SKAP1: variants seen among roughly 807,000 people sequenced by gnomAD.
SKAP1 encodes the protein src kinase associated phosphoprotein 1.
In SKAP1, 44 loss-of-function variants were observed where a neutral mutation model predicts 58.5. That is an observed-to-expected ratio of 0.75 (90% CI 0.59 to 0.97). The LOEUF is 0.97. Ranked by LOEUF, SKAP1 falls within the 50% of genes least tolerant of loss-of-function variation. SKAP1 has a pLI of 0.00. For synonymous variants in SKAP1, 127 were observed against 149.7 expected (o/e 0.85, Z 1.11); for missense variants, 390 against 435.2 (o/e 0.90, Z 0.92).
At chr17:48,143,263 C>T (rs1235292142) in intron 11 of SKAP1, among the ~76,000 whole-genome samples, 5 of 145,044 alleles carry the variant, frequency 3.4e-5, no homozygotes, top group African/African-American at 7.8e-5. Flanking sequence ...GGCATGATCT[C>T]GGCTCACTGC....
At chr17:48,338,082 T>G (rs756059880) in intron 4 of SKAP1, among the ~76,000 whole-genome samples, 2 of 151,662 alleles carry the variant, frequency 1.3e-5, no homozygotes, top group Non-Finnish European at 2.9e-5. Flanking sequence ...CTTTCTTTTC[T>G]TCCTTCCTTT....
upstream of SKAP1, among the ~76,000 whole-genome samples, chr17:48,432,949 A>G (rs1358825179): frequency 6.6e-6 from 1 of 152,214 alleles, no homozygotes; most frequent in Non-Finnish European, 1.5e-5. Context: ...CCTTACAAGA[A>G]TCTCTGGGTT....
At chr17:48,150,506 A>T (rs1347995090) in intron 11 of SKAP1, among the ~76,000 whole-genome samples, 2 of 152,220 alleles carry the variant, frequency 1.3e-5, no homozygotes, top group Non-Finnish European at 2.9e-5. Flanking sequence ...GTGTTTATAG[A>T]TGCTCTGTTT....
At chr17:48,255,010 C>T (rs369335654) in intron 4 of SKAP1, among the ~76,000 whole-genome samples, 5 of 151,990 alleles carry the variant, frequency 3.3e-5, no homozygotes, top group African/African-American at 1.2e-4. Context: ...CTTCTCTACA[C>T]ATTGAAATGA....
At chr17:48,351,558 C>T (rs768111748) in intron 3 of SKAP1, among the ~76,000 whole-genome samples, 89 of 152,160 alleles carry the variant, frequency 5.8e-4, no homozygotes, top group Admixed American at 7.2e-4. Context: ...AATGATAGGT[C>T]AGGTAAAGAA....
At chr17:48,352,156 C>G (rs1353619135) in intron 3 of SKAP1, among the ~76,000 whole-genome samples, 1 of 151,300 alleles carries the variant, frequency 6.6e-6, no homozygotes, top group Non-Finnish European at 1.5e-5. Context: ...TTTAACCCTT[C>G]TTAGGTTTCA....
chr17:48,325,892 C>T (rs180846399), intron 4 of SKAP1, among the ~76,000 whole-genome samples: 1 of 152,274 alleles, frequency 6.6e-6, no homozygotes, highest in East Asian at 1.9e-4. Context: ...GAATCCATGA[C>T]AAAAGTGCTC....
rs749887253 is a variant in SKAP1 at position 48,430,153 on chromosome 17, C to G, written c.-33G>C. 9.1e-6 allele frequency: 11 copies of G among 1,213,998 alleles called. No individual in the cohort carries two copies. In the East Asian group the frequency reaches 3.4e-4, roughly 38 times the overall value. The allele number at this position is 1,213,998 out of a possible 1,614,324, so 75.2% of individuals were successfully genotyped here. A position where few individuals can be genotyped will look rare whatever the true frequency, so the allele number is the denominator to read the frequency against. On this transcript the variant is annotated 5_prime_UTR_variant, in exon 1 of 13. Coordinates refer to ENST00000336915, the MANE Select transcript of SKAP1 (RefSeq NM_003726.4). Reference sequence around the variant, plus strand: ...GGCGGGAGAGAGGCGGGACGGGGCGCGGGCCCTGGTCGGGAGGCGGACGGG... The same window carrying G: ...GGCGGGAGAGAGGCGGGACGGGGCGGGGGCCCTGGTCGGGAGGCGGACGGG...
chr17:48,329,865 T>C (rs1295534195), intron 4 of SKAP1, among the ~76,000 whole-genome samples: 2 of 152,192 alleles, frequency 1.3e-5, no homozygotes, highest in African/African-American at 2.4e-5. Flanking sequence ...TTAATTTTTC[T>C]GATACTCGAA....
intron 8 of SKAP1, among the ~76,000 whole-genome samples, chr17:48,180,471 C>T (rs1045704235): frequency 6.6e-6 from 1 of 152,156 alleles, no homozygotes; most frequent in Non-Finnish European, 1.5e-5. Context: ...AACATAAATC[C>T]TTCCTTGCAA....
chr17:48,142,609 G>A (rs568522712), intron 11 of SKAP1, among the ~76,000 whole-genome samples: 1 of 152,324 alleles, frequency 6.6e-6, no homozygotes, highest in African/African-American at 2.4e-5. Context: ...GATTGAACTA[G>A]TTGTGGCAGA....
intron 3 of SKAP1, among the ~76,000 whole-genome samples, chr17:48,359,494 AC>A (rs1302535904): frequency 1.3e-5 from 2 of 152,256 alleles, no homozygotes; most frequent in Non-Finnish European, 2.9e-5. Context: ...CAAAGTTTAT[AC>A]ATTCGTTGGT....
intron 4 of SKAP1, among the ~76,000 whole-genome samples, chr17:48,238,665 G>A (rs555601924): frequency 2.6e-5 from 4 of 152,176 alleles, no homozygotes; most frequent in Admixed American, 1.3e-4. Context: ...GAGCCACCGC[G>A]CCCAGTTGAG....
intron 5 of SKAP1, among the ~76,000 whole-genome samples, chr17:48,188,642 C>T (rs562915016): frequency 5.3e-5 from 8 of 151,782 alleles, no homozygotes; most frequent in Admixed American, 2.0e-4. Flanking sequence ...GCTATGATGG[C>T]GCTACTGTAT....
chr17:48,273,422 G>GTTTTTTTTTTTT, intron 4 of SKAP1, among the ~76,000 whole-genome samples: 1 of 145,874 alleles, frequency 6.9e-6, no homozygotes, highest in Non-Finnish European at 1.5e-5. Flanking sequence ...TTTTATCACT[G>GTTTTTTTTTTTT]TTTTTTTTTT....
intron 2 of SKAP1, among the ~76,000 whole-genome samples, chr17:48,366,447 G>A (rs2144408963): frequency 6.6e-6 from 1 of 151,458 alleles, no homozygotes; most frequent in Admixed American, 6.6e-5. Context: ...GCAAAGGGGA[G>A]AGGAAGGGGC....
At chr17:48,385,080 A>G (rs551953568) in intron 2 of SKAP1, among the ~76,000 whole-genome samples, 7 of 152,334 alleles carry the variant, frequency 4.6e-5, no homozygotes, top group Non-Finnish European at 1.0e-4. Context: ...AGTTTTTTAC[A>G]TTTATGAGAA....
chr17:48,246,007 CA>C, intron 4 of SKAP1, among the ~76,000 whole-genome samples: 1 of 151,952 alleles, frequency 6.6e-6, no homozygotes, highest in East Asian at 1.9e-4. Context: ...CAAAAAACAA[CA>C]AAAAAACCCA....
chr17:48,426,284 T>C (rs1434897159), intron 1 of SKAP1, among the ~76,000 whole-genome samples: 1 of 152,238 alleles, frequency 6.6e-6, no homozygotes, highest in Non-Finnish European at 1.5e-5. Context: ...CAATTGCTAC[T>C]ACATGCAGCC....
Sources: allele counts gnomAD v4.1 joint callset (sites outside exome capture counted in the v4.1 genomes callset), GRCh38; gene constraint gnomAD v4.1.1; transcripts MANE v1.5; gene names NCBI Gene and HGNC (gene_info 2026-07-23, HGNC 2026-07-21).